Variants in SLC23A2 observed in about 807,000 individuals in gnomAD.
SLC23A2 encodes Na(+)/L-ascorbic acid transporter 2.
In SLC23A2, 36 loss-of-function variants were observed where a neutral mutation model predicts 73.3. The observed-to-expected ratio is 0.49, with a 90% CI of 0.38 to 0.65. The LOEUF (loss-of-function observed/expected upper bound fraction) is 0.65. Ranked by LOEUF, SLC23A2 falls within the 30% of genes least tolerant of loss-of-function variation. SLC23A2 has a pLI of 0.00. For missense variants in SLC23A2, 507 were observed against 841.6 expected (o/e 0.60, Z 4.92); for synonymous variants, 343 against 327.3 (o/e 1.05, Z -0.52).
rs1930561661 is a variant in SLC23A2 at position 4,874,098 on chromosome 20, G to A, written c.946-6C>T. ...ACCAGGATGGCCAGGATGATCTGGA[G>A]TGGTCAAGGGGAAGCTCTGTCAGGC... On this transcript the variant is annotated splice_polypyrimidine_tract_variant and splice_region_variant and intron_variant, in intron 10 of 16. Transcript: ENST00000338244. The A allele has an allele frequency of 6.2e-7, 1 of 1,611,054 alleles. No homozygotes were observed. Among genetic ancestry groups the A allele is most frequent in the Non-Finnish European group, 8.5e-7 (1 of 1,178,858 alleles).
chr20:4,935,315 T>C (rs552473509), intron 2 of SLC23A2, among the ~76,000 whole-genome samples: 66 of 151,700 alleles, frequency 4.4e-4, no homozygotes, highest in African/African-American at 1.5e-3. Context: ...GTTTACAGCA[T>C]CCAGAGAGAA....
At chr20:4,972,711 G>A (rs565876540) in intron 1 of SLC23A2, among the ~76,000 whole-genome samples, 8 of 152,002 alleles carry the variant, frequency 5.3e-5, no homozygotes, top group South Asian at 2.1e-4. Flanking sequence ...TCAGCCTCCC[G>A]AGCAGCTGGG....
chr20:4,946,620 G>A (rs2087122674), intron 2 of SLC23A2, among the ~76,000 whole-genome samples: 1 of 152,202 alleles, frequency 6.6e-6, no homozygotes, highest in Non-Finnish European at 1.5e-5. Flanking sequence ...AGTCCCAGAA[G>A]CTCTGGTACA....
chr20:4,853,487 A>G lies in SLC23A2; in HGVS notation c.*3485T>C, dbSNP rs1320986843. ...TAGCTCATGGTCATAAAATATACGT[A>G]TGGGTAAATAAAGTATACACACATA... On this transcript the variant is annotated 3_prime_UTR_variant, in exon 17 of 17. Coordinates refer to ENST00000338244, the MANE Select transcript of SLC23A2 (RefSeq NM_005116.6). 1 of 152,682 alleles carries G rather than the reference A, an allele frequency of 6.5e-6. No individual in the cohort carries two copies. Among genetic ancestry groups the G allele is most frequent in the African/African-American group, 2.4e-5 (1 of 41,468 alleles). The allele number at this position is 152,682 out of a possible 1,614,324, so 9.5% of individuals were successfully genotyped here.
At chr20:4,893,984 T>G (rs1931428288) in intron 6 of SLC23A2, among the ~76,000 whole-genome samples, 1 of 152,016 alleles carries the variant, frequency 6.6e-6, no homozygotes, top group Non-Finnish European at 1.5e-5. Context: ...GGGTGGGAAC[T>G]CTGGGAAGCT....
intron 9 of SLC23A2, among the ~76,000 whole-genome samples, chr20:4,882,102 C>T (rs914923546): frequency 3.1e-4 from 47 of 152,140 alleles, no homozygotes; most frequent in African/African-American, 9.9e-4. Flanking sequence ...TTGGGCTGGG[C>T]ACGGTGGCTC....
intron 1 of SLC23A2, among the ~76,000 whole-genome samples, chr20:4,973,322 G>A (rs543755575): frequency 1.9e-4 from 29 of 152,258 alleles, no homozygotes; most frequent in African/African-American, 6.7e-4. Flanking sequence ...GCTCCATGAG[G>A]GCAAAGTGCA....
chr20:4,974,794 GT>G (rs2087617647), intron 1 of SLC23A2, among the ~76,000 whole-genome samples: 2 of 151,992 alleles, frequency 1.3e-5, no homozygotes, highest in African/African-American at 4.8e-5. Context: ...CAGTGTTTTT[GT>G]TTTTGTTTTT....
intron 11 of SLC23A2, among the ~76,000 whole-genome samples, chr20:4,871,686 G>A (rs539685818): frequency 5.3e-5 from 8 of 152,198 alleles, no homozygotes; most frequent in South Asian, 2.1e-4. Flanking sequence ...ATGCAGAGGC[G>A]GCCCTTGGTC....
intron 1 of SLC23A2, among the ~76,000 whole-genome samples, chr20:4,986,832 G>T (rs1252206421): frequency 6.6e-6 from 1 of 151,888 alleles, no homozygotes; most frequent in Non-Finnish European, 1.5e-5. Context: ...AAAAAAAGCT[G>T]AAGTCACTTT....
chr20:4,906,665 A>C (rs976403448), intron 4 of SLC23A2, among the ~76,000 whole-genome samples: 3 of 152,148 alleles, frequency 2.0e-5, no homozygotes, highest in Non-Finnish European at 2.9e-5. Flanking sequence ...CAAAAAACCC[A>C]AAAAGATCAA....
chr20:4,931,372 T>A (rs960066568), intron 3 of SLC23A2, among the ~76,000 whole-genome samples: 2 of 152,134 alleles, frequency 1.3e-5, no homozygotes, highest in East Asian at 1.9e-4. Flanking sequence ...CCTCTGTAGA[T>A]CCATCTACCC....
At position 4,856,866 on chromosome 20, in the gene SLC23A2, C is replaced by T; in HGVS notation, c.*106G>A. On this transcript the variant is annotated 3_prime_UTR_variant, in exon 17 of 17. Coordinates refer to ENST00000338244, the MANE Select transcript of SLC23A2 (RefSeq NM_005116.6). This position sits in a 1 kb window ranked among gnomAD's most constrained non-coding sequence, Gnocchi z 4.6. ...CGCAGTCTGTCTTAGCTCTGGGGCGCAGAATGTAAATGTAGATATACAAAC... is the reference window on the plus strand; with the variant it reads ...CGCAGTCTGTCTTAGCTCTGGGGCGTAGAATGTAAATGTAGATATACAAAC... The T allele has an allele frequency of 4.0e-6, 3 of 744,416 alleles. No individual in the cohort carries two copies. Among genetic ancestry groups the T allele is most frequent in the South Asian group, 1.7e-5 (1 of 60,220 alleles). 46.1% of individuals were successfully genotyped at this position (744,416 alleles called of 1,614,324 possible).
chr20:4,861,069 C>A (rs115985259), intron 15 of SLC23A2, among the ~76,000 whole-genome samples: 1,765 of 152,274 alleles, frequency 0.012, 36 homozygotes, highest in African/African-American at 0.041. Context: ...AGTACTGCTA[C>A]ATGCTACAAC....
intron 1 of SLC23A2, among the ~76,000 whole-genome samples, chr20:4,971,534 C>A (rs1409064241): frequency 6.6e-6 from 1 of 151,220 alleles, no homozygotes; most frequent in Non-Finnish European, 1.5e-5. Flanking sequence ...GTGGTTCACA[C>A]CTGTAGGGAG....
In SLC23A2 at chr20:4,979,208, G is replaced by A. The variant is rs543342535; in HGVS notation, c.-281-8289C>T. 2.8e-4 allele frequency among the ~76,000 whole-genome samples: 42 copies of A among 152,050 alleles called. 1 individual carries two copies. In the East Asian group the frequency reaches 6.4e-3, roughly 23 times the overall value. ...CTCAGAAGGCTGAGGCAGGAGAATC[G>A]CTTGAACCCGGGAGGCGGAGGTTAC... On this transcript the variant is annotated intron_variant, in intron 1 of 16. Transcript: ENST00000338244.
intron 13 of SLC23A2, 145 bp downstream of exon 13, chr20:4,867,625 T>TAAAAAAAAA (rs11476144): frequency 6.8e-6 from 2 of 296,184 alleles, no homozygotes; most frequent in African/African-American, 6.2e-5. Flanking sequence ...TATAAACACT[T>TAAAAAAAAA]AAAAAAAAAA....
At chr20:4,867,983 A>T in intron 12 of SLC23A2, 108 bp from the exon 13 acceptor site, 1 of 633,570 alleles carries the variant, frequency 1.6e-6, no homozygotes, top group Non-Finnish European at 2.8e-6. Context: ...CAGAGCCTGC[A>T]GCTTCCACAT....
rs1929603765 is a variant in SLC23A2, at chr20:4,853,587, A to G, written c.*3385T>C. 1 of 152,680 alleles carries G rather than the reference A, an allele frequency of 6.5e-6. No homozygotes were observed. The highest frequency in any genetic ancestry group is 2.4e-5 in the African/African-American group (1 of 41,464). 9.5% of individuals were successfully genotyped at this position (152,680 alleles called of 1,614,324 possible). A position where few individuals can be genotyped will look rare whatever the true frequency, so the allele number is the denominator to read the frequency against. ...AAAATTATATCATTCCCTCCCTGGA[A>G]AACTGTGACTATTATCCTGGGTAGA... is the stretch of plus-strand genomic sequence containing the variant. On this transcript the variant is annotated 3_prime_UTR_variant, in exon 17 of 17. Transcript: ENST00000338244.
Sources: allele counts gnomAD v4.1 joint callset (sites outside exome capture counted in the v4.1 genomes callset), GRCh38; gene constraint gnomAD v4.1.1; non-coding constraint Gnocchi (gnomAD v3.1); transcripts MANE v1.5; gene names NCBI Gene and HGNC (gene_info 2026-07-23, HGNC 2026-07-21).